The following RBFOX1 variants were observed in gnomAD, a reference collection of about 807,000 sequenced individuals.
RBFOX1 encodes the protein RNA binding protein fox-1 homolog 1.
Under a neutral mutation model 57.7 loss-of-function variants are expected in RBFOX1, and 8 were observed. The observed-to-expected ratio is 0.14, with a 90% confidence interval of 0.08 to 0.25. RBFOX1 has a LOEUF of 0.25. Among genes scored for constraint, RBFOX1 ranks in the 10% least tolerant of loss-of-function variants. RBFOX1 has a pLI of 1.00. For synonymous variants in RBFOX1, 326 were observed against 222.4 expected (o/e 1.47, Z -4.15); for missense variants, 611 against 548.5 (o/e 1.11, Z -1.14).
intron 4 of RBFOX1, among the ~76,000 whole-genome samples, chr16:6,001,278 T>C (rs2060595213): frequency 6.6e-6 from 1 of 152,086 alleles, no homozygotes; most frequent in East Asian, 1.9e-4. Flanking sequence ...ATGAGGTGAT[T>C]TTCTCTAGAT....
intron 4 of RBFOX1, among the ~76,000 whole-genome samples, chr16:5,992,465 C>T (rs2060416946): frequency 6.6e-6 from 1 of 152,170 alleles, no homozygotes; most frequent in Non-Finnish European, 1.5e-5. Context: ...TTCCTTTTGA[C>T]AGGATCCCCC....
At chr16:6,980,862 T>A (rs2088591533) in intron 3 of RBFOX1, among the ~76,000 whole-genome samples, 1 of 151,854 alleles carries the variant, frequency 6.6e-6, no homozygotes, top group South Asian at 2.1e-4. Context: ...GGCTAACATG[T>A]TGAAACCCCA....
intron 3 of RBFOX1, among the ~76,000 whole-genome samples, chr16:6,764,236 T>C (rs1256534483): frequency 6.6e-6 from 1 of 152,228 alleles, no homozygotes; most frequent in Non-Finnish European, 1.5e-5. Flanking sequence ...GCAGCTGGCA[T>C]GCAAATTGGC....
intron 4 of RBFOX1, chr16:7,431,283 G>C (rs2149590440): frequency 6.6e-6 from 1 of 152,306 alleles, no homozygotes; most frequent in East Asian, 1.9e-4. Context: ...GGAGGGCAGT[G>C]GTGCAATCAT....
At chr16:5,529,073 A>C (rs968229132) in intron 2 of RBFOX1, among the ~76,000 whole-genome samples, 1 of 151,912 alleles carries the variant, frequency 6.6e-6, no homozygotes, top group Non-Finnish European at 1.5e-5. Flanking sequence ...TTTCTCTCTC[A>C]TCAGTGTCCA....
intron 4 of RBFOX1, among the ~76,000 whole-genome samples, chr16:5,992,078 C>G (rs2060409794): frequency 6.6e-6 from 1 of 151,954 alleles, no homozygotes; most frequent in Non-Finnish European, 1.5e-5. Context: ...GAGAGATGAA[C>G]TGTAAAAATC....
chr16:5,240,021 G>A, exon 1 of RBFOX1: 1 of 1,532,078 alleles, frequency 6.5e-7, no homozygotes, highest in Non-Finnish European at 8.7e-7. Flanking sequence ...GAAGCGCACA[G>A]CCCGAGGACT....
At chr16:6,477,035 C>A (rs1459521402) in intron 2 of RBFOX1, among the ~76,000 whole-genome samples, 1 of 152,168 alleles carries the variant, frequency 6.6e-6, no homozygotes, top group Non-Finnish European at 1.5e-5. Context: ...GTAGTTGCCT[C>A]TTCAGGCTCC....
At chr16:7,438,342 G>A (rs1353424892) in intron 4 of RBFOX1, among the ~76,000 whole-genome samples, 3 of 152,076 alleles carry the variant, frequency 2.0e-5, no homozygotes, top group Non-Finnish European at 4.4e-5. Context: ...TTGGATGTCA[G>A]TCCATGGTTT....
At chr16:6,563,860 G>GTA (rs926517821) in intron 2 of RBFOX1, among the ~76,000 whole-genome samples, 3 of 151,736 alleles carry the variant, frequency 2.0e-5, no homozygotes, top group Admixed American at 6.6e-5. Flanking sequence ...GTGTGTGTGT[G>GTA]TGTATGTATG....
At chr16:5,869,460 G>A (rs2057416148) in intron 4 of RBFOX1, among the ~76,000 whole-genome samples, 1 of 152,286 alleles carries the variant, frequency 6.6e-6, no homozygotes, top group East Asian at 1.9e-4. Context: ...GGAGTACAGT[G>A]GCACAATCTC....
intron 2 of RBFOX1, among the ~76,000 whole-genome samples, chr16:6,603,878 G>A (rs2097888942): frequency 6.6e-6 from 1 of 152,126 alleles, no homozygotes; most frequent in Non-Finnish European, 1.5e-5. Context: ...TGCTTCTGTA[G>A]AGTTTTGATC....
intron 4 of RBFOX1, among the ~76,000 whole-genome samples, chr16:7,128,580 G>A (rs2069258872): frequency 6.6e-6 from 1 of 152,114 alleles, no homozygotes; most frequent in African/African-American, 2.4e-5. Context: ...CATGCAGAAG[G>A]GGCAAAGGTA....
chr16:6,069,879 C>T (rs1167836790), intron 1 of RBFOX1, among the ~76,000 whole-genome samples: 2 of 151,854 alleles, frequency 1.3e-5, no homozygotes, highest in Non-Finnish European at 1.5e-5. Flanking sequence ...CCCAGCTATT[C>T]GGGAGGCTGA....
chr16:5,859,297 G>C (rs1209833360), intron 3 of RBFOX1, among the ~76,000 whole-genome samples: 3 of 152,156 alleles, frequency 2.0e-5, no homozygotes, highest in Non-Finnish European at 4.4e-5. Flanking sequence ...TCAGATGTTA[G>C]GACTTCTGCT....
Position 6,881,352 on chromosome 16 carries a change from C to G in RBFOX1, c.-15-170705C>G, listed in dbSNP as rs142727132. Among the ~76,000 whole-genome samples the G allele has an allele frequency of 2.6e-5, 4 of 152,126 alleles. No individual in the cohort carries two copies. In the East Asian group the frequency reaches 5.8e-4, roughly 22 times the overall value. On this transcript the variant is annotated intron_variant, in intron 3 of 15. Coordinates refer to ENST00000550418, the MANE Select transcript of RBFOX1 (RefSeq NM_018723.4). ...TAACACAGTGCCACAGGTTGGGTGG[C>G]TAAAACAACAAACAGTTACTCTCAC...
At chr16:5,363,254 A>C (rs1462796003) in intron 1 of RBFOX1, among the ~76,000 whole-genome samples, 5 of 151,282 alleles carry the variant, frequency 3.3e-5, no homozygotes, top group East Asian at 3.9e-4. Flanking sequence ...CATGTTGGCA[A>C]GGCCGGTCTT....
At chr16:6,134,312 C>T (rs908366420) in intron 1 of RBFOX1, among the ~76,000 whole-genome samples, 12 of 152,154 alleles carry the variant, frequency 7.9e-5, no homozygotes, top group South Asian at 2.1e-4. Context: ...TATATTTTTA[C>T]GGTTATTGGA....
intron 2 of RBFOX1, among the ~76,000 whole-genome samples, chr16:5,526,272 T>C (rs2087068): frequency 0.79 from 119,606 of 151,976 alleles, 48,212 homozygotes; most frequent in East Asian, 0.99. Context: ...CAACAGAAAC[T>C]GTTTCCACTC....
Sources: gnomAD v4.1 joint callset for allele counts (sites outside exome capture counted in the v4.1 genomes callset) on GRCh38, gnomAD v4.1.1 for gene constraint, MANE v1.5 for transcripts, NCBI Gene and HGNC (gene_info 2026-07-23, HGNC 2026-07-21) for gene names.